Variants in CYP4F12 observed in about 807,000 individuals in gnomAD.
CYP4F12 encodes the protein cytochrome P450 4F12.
In CYP4F12, 60 loss-of-function variants were observed where a neutral mutation model predicts 56.5. That is an observed-to-expected ratio of 1.06 (90% CI 0.86 to 1.32). The LOEUF (loss-of-function observed/expected upper bound fraction) is 1.32. Ranked by LOEUF, CYP4F12 falls within the 40% of genes most tolerant of loss-of-function variation. The pLI is 0.00. For synonymous variants in CYP4F12, 263 were observed against 264.9 expected (o/e 0.99, Z 0.07); for missense variants, 711 against 683.5 (o/e 1.04, Z -0.45).
intron 9 of CYP4F12, among the ~76,000 whole-genome samples, chr19:15,688,134 T>C (rs934754066): frequency 2.0e-5 from 3 of 152,180 alleles, no homozygotes; most frequent in African/African-American, 2.4e-5. Flanking sequence ...GTGCACAGAC[T>C]GCCTGGATCT....
intron 9 of CYP4F12, among the ~76,000 whole-genome samples, chr19:15,695,048 C>A (rs1228390575): frequency 6.6e-6 from 1 of 152,120 alleles, no homozygotes; most frequent in Non-Finnish European, 1.5e-5. Flanking sequence ...AAGACACATG[C>A]ACATGTATGT....
chr19:15,685,296 T>C (rs2007546577), intron 9 of CYP4F12, 99 bp downstream of exon 9: 1 of 1,503,318 alleles, frequency 6.7e-7, no homozygotes, highest in African/African-American at 1.4e-5. Context: ...TCTTCCACTA[T>C]TGCTTAGTGG....
rs749003945 is a variant in CYP4F12 at position 15,696,409 on chromosome 19, CCTT to C, written c.1315-17_1315-15del. 1.2e-6 allele frequency: 2 copies of C among 1,614,100 alleles called. No individual in the cohort carries two copies. The highest frequency in any genetic ancestry group is 1.7e-6 in the Non-Finnish European group (2 of 1,180,000). ...GGACATAGGAAATCCCACTGGCAAA[CCTT>C]CTTTGTCTCACCTGCAGGTCTACGA... On this transcript the variant is annotated intron_variant, in intron 11 of 12. Coordinates refer to ENST00000550308, the MANE Select transcript of CYP4F12 (RefSeq NM_023944.4).
intron 7 of CYP4F12, chr19:15,684,611 G>T: frequency 1.9e-6 from 1 of 513,588 alleles, no homozygotes; most frequent in Non-Finnish European, 3.4e-6. Flanking sequence ...GGAGGCAAAG[G>T]ATCTGGGGGA....
At chr19:15,690,935 T>A (rs969989018) in intron 9 of CYP4F12, among the ~76,000 whole-genome samples, 7 of 152,244 alleles carry the variant, frequency 4.6e-5, no homozygotes, top group Non-Finnish European at 5.9e-5. Context: ...ATATTCCTTA[T>A]ATTTTTTGTC....
chr19:15,684,991 ATCC>A (rs1445457556), intron 8 of CYP4F12, 74 bp from the exon 9 acceptor site: 10 of 1,576,232 alleles, frequency 6.3e-6, no homozygotes, highest in Admixed American at 1.8e-5. Flanking sequence ...CCCTCCCTCC[ATCC>A]TCCTGAGGGC....
At chr19:15,682,332 G>A in intron 5 of CYP4F12, 57 bp from the exon 6 acceptor site, 1 of 1,600,480 alleles carries the variant, frequency 6.2e-7, no homozygotes. Flanking sequence ...TTTGGGACTG[G>A]GGAGGGGCAC....
intron 2 of CYP4F12, among the ~76,000 whole-genome samples, chr19:15,676,269 G>C (rs1041905642): frequency 2.9e-5 from 4 of 139,038 alleles, no homozygotes; most frequent in African/African-American, 1.0e-4. Context: ...AGAACCAAGG[G>C]AGACGGCTCA....
intron 1 of CYP4F12, 182 bp from the exon 2 acceptor site, chr19:15,673,347 G>C: frequency 6.3e-6 from 4 of 634,840 alleles, no homozygotes; most frequent in Non-Finnish European, 1.1e-5. Flanking sequence ...CAGGTTACTG[G>C]AGGCCACTTA....
intron 12 of CYP4F12, 123 bp downstream of exon 12, chr19:15,696,635 A>T (rs2008154717): frequency 7.9e-7 from 1 of 1,263,796 alleles, no homozygotes; most frequent in Non-Finnish European, 1.1e-6. Context: ...AGTTTATGGG[A>T]AAACGTCCAT....
At chr19:15,673,767 G>A in intron 2 of CYP4F12, 40 bp downstream of exon 2, 1 of 1,607,060 alleles carries the variant, frequency 6.2e-7, no homozygotes, top group African/African-American at 1.3e-5. Context: ...TCTCAGGGTG[G>A]ATGGACTTCC....
Position 15,682,431 on chromosome 19 carries a change from G to C in CYP4F12, c.568G>C (p.Asp190His). 1 of 1,613,878 alleles carries C rather than the reference G, an allele frequency of 6.2e-7. No individual in the cohort carries two copies. The highest frequency in any genetic ancestry group is 8.5e-7 in the Non-Finnish European group (1 of 1,179,790). ...HLASEGSSRL[D>H]MFEHISLMTL... ...GGCCTCAGAGGGCAGCAGTCGTCTG[G>C]ACATGTTTGAGCACATCAGCCTCAT... Residue 190 changes from aspartate to histidine, a missense_variant, in exon 6 of 13, where the codon GAC (aspartate) becomes CAC (histidine). Asp to His is a moderately conservative substitution (Grantham distance 81). Coordinates refer to ENST00000550308, the MANE Select transcript of CYP4F12 (RefSeq NM_023944.4).
chr19:15,687,877 G>C (rs552555864), intron 9 of CYP4F12, among the ~76,000 whole-genome samples: 123 of 152,294 alleles, frequency 8.1e-4, no homozygotes, highest in African/African-American at 2.7e-3. Flanking sequence ...GGGGACCTTG[G>C]GGAAGTCAGA....
At position 15,683,539 on chromosome 19, in the gene CYP4F12, G is replaced by T. The variant is rs140521349; in HGVS notation, c.694G>T (p.Val232Leu). 1.7e-3 allele frequency: 2,675 copies of T among 1,612,966 alleles called. 34 individuals carry two copies. The African/African-American group carries it at 0.031, about 19-fold the overall frequency. The part of the protein sequence containing the change: ...IATILELSAL[V>L]EKRSQHILQH... ...CACCATCTTGGAGCTCAGTGCCCTT[G>T]TAGAGAAAAGAAGCCAGCATATCCT... The change falls in exon 7 of 13, where the codon GTA becomes TTA. Residue 232 changes from valine (V) to leucine (L), a missense_variant. By Grantham distance (32) the Val-to-Leu change is conservative. Coordinates refer to ENST00000550308, the MANE Select transcript of CYP4F12 (RefSeq NM_023944.4).
intron 5 of CYP4F12, chr19:15,682,156 A>C (rs611067): frequency 0.01 from 4,576 of 441,412 alleles, 18 homozygotes; most frequent in African/African-American, 0.084. Flanking sequence ...CACATAGAGC[A>C]TAGGAGACAG....
At chr19:15,683,952 A>C in intron 7 of CYP4F12, 189 bp downstream of exon 7, 1 of 575,382 alleles carries the variant, frequency 1.7e-6, no homozygotes, top group South Asian at 3.7e-5. Flanking sequence ...TAATTCTGAA[A>C]CTGTGAGGAG....
intron 9 of CYP4F12, among the ~76,000 whole-genome samples, chr19:15,693,262 G>A (rs2007960247): frequency 6.6e-6 from 1 of 152,278 alleles, no homozygotes; most frequent in South Asian, 2.1e-4. Context: ...TTCAAATTCT[G>A]AACCAGATAA....
intron 9 of CYP4F12, among the ~76,000 whole-genome samples, chr19:15,695,358 TG>T (rs1186881690): frequency 1.5e-5 from 1 of 66,690 alleles, no homozygotes; most frequent in South Asian, 5.9e-4. Context: ...TGTTGTGGGG[TG>T]GGGGGAGGGG....
chr19:15,685,131 A>G lies in CYP4F12; in HGVS notation c.1049A>G (p.Tyr350Cys), dbSNP rs1217310070. Residue 350 changes from tyrosine to cysteine, a missense_variant, in exon 9 of 13, where the codon TAC becomes TGC. Physicochemically the swap from Tyr to Cys is radical, Grantham distance 194 (BLOSUM62 -2). Transcript: ENST00000550308. Reference sequence around the variant, plus strand: ...TACAACCTTGCGAGGCACCCAGAATACCAGGAGCGCTGCCGACAGGAGGTG... The same window carrying G: ...TACAACCTTGCGAGGCACCCAGAATGCCAGGAGCGCTGCCGACAGGAGGTG... ...VLYNLARHPE[Y>C]QERCRQEVQE... 6.2e-7 allele frequency: 1 copy of G among 1,614,048 alleles called. No homozygotes were observed. Among genetic ancestry groups the G allele is most frequent in the African/African-American group, 1.3e-5 (1 of 74,920 alleles).
Sources: allele counts gnomAD v4.1 joint callset (sites outside exome capture counted in the v4.1 genomes callset), GRCh38; gene constraint gnomAD v4.1.1; transcripts MANE v1.5; gene names NCBI Gene and HGNC (gene_info 2026-07-23, HGNC 2026-07-21).